MUC4: variants seen among roughly 807,000 people sequenced by gnomAD.
The protein encoded by MUC4 is mucin 4, cell surface associated.
MUC4 carries 202 observed loss-of-function variants against 257.9 expected under a neutral mutation model. The observed-to-expected ratio is 0.78, with a 90% CI of 0.70 to 0.88. The LOEUF (loss-of-function observed/expected upper bound fraction) is 0.88. MUC4 is among the 40% of genes least tolerant of loss of function. MUC4 has a pLI of 0.00. For missense variants in MUC4, 5,976 were observed against 6,513.7 expected, an observed-to-expected ratio of 0.92 and a Z score of 2.84; for synonymous variants, 2,351 against 2,757.1, an observed-to-expected ratio of 0.85 and a Z score of 4.62.
chr3:195,802,805 T>C (rs747746984), intron 1 of MUC4, among the ~76,000 whole-genome samples: 20 of 152,208 alleles, frequency 1.3e-4, no homozygotes, highest in Non-Finnish European at 2.4e-4. Context: ...CGGGAGACAT[T>C]GTTCAGTTTT....
chr3:195,811,476 A>C (rs1219378996), intron 1 of MUC4, among the ~76,000 whole-genome samples: 1 of 150,620 alleles, frequency 6.6e-6, no homozygotes, highest in African/African-American at 2.4e-5. Context: ...CACGGCCTCC[A>C]CTCTTCTTTC....
At chr3:195,771,843 A>G (rs754086228) in intron 4 of MUC4, 27 bp from the exon 5 acceptor site, 1 of 1,607,642 alleles carries the variant, frequency 6.2e-7, no homozygotes, top group Non-Finnish European at 8.5e-7. Context: ...TGTGGTCAGC[A>G]TTCAGGGAGG....
rs1449136477 is a variant in MUC4 at position 195,765,366 on chromosome 3, G to C, written c.13702C>G (p.Gln4568Glu). ...RLECLQWLKS[Q>E]PRWPSWGWNQ... is the part of the protein sequence containing the mutation. ...CAGCCCCAGCTGGGCCACCGAGGCT[G>C]GCTCTTCAGCCACTGCAGGCACTCG... Residue 4568 changes from glutamine to glutamate, a missense_variant, in exon 9 of 25, where the codon CAG (glutamine) becomes GAG (glutamate). Around this residue, in one of 44 missense-constraint regions of MUC4, gnomAD observed 996 missense variants for 1,137.3 expected, o/e 0.88. Coordinates refer to ENST00000463781, the MANE Select transcript of MUC4 (RefSeq NM_018406.7). 6.2e-7 allele frequency: 1 copy of C among 1,613,650 alleles called. No individual in the cohort carries two copies. Among genetic ancestry groups the C allele is most frequent in the East Asian group, 2.2e-5 (1 of 44,870 alleles).
At chr3:195,804,901 C>T (rs1735783181) in intron 1 of MUC4, among the ~76,000 whole-genome samples, 1 of 152,216 alleles carries the variant, frequency 6.6e-6, no homozygotes, top group Non-Finnish European at 1.5e-5. Context: ...ACTCAAGATA[C>T]CCTTGGAATA....
At chr3:195,762,512 C>T (rs1719284048) in intron 13 of MUC4, among the ~76,000 whole-genome samples, 1 of 151,604 alleles carries the variant, frequency 6.6e-6, no homozygotes, top group Non-Finnish European at 1.5e-5. Flanking sequence ...ACGCACTCGG[C>T]CCTGCACCGC....
chr3:195,763,717 G>A (rs1252569523), intron 11 of MUC4, 76 bp from the exon 12 acceptor site: 11 of 1,351,682 alleles, frequency 8.1e-6, no homozygotes, highest in Non-Finnish European at 1.1e-5. Context: ...GCAGTCAGGT[G>A]CGGCACTTGT....
In MUC4 at chr3:195,781,132, G is replaced by C; in HGVS notation, c.10448C>G (p.Thr3483Arg). Reference protein sequence around the residue: ...LPVTSPSSASTGHTTPLHVTI... With the variant: ...LPVTSPSSASRGHTTPLHVTI... Reference sequence around the variant, plus strand: ...GACATGAAGAGGGGTGGTGTGACCTGTAGATGCTGAGGAAGGGCTGGTGAC... The same window carrying C: ...GACATGAAGAGGGGTGGTGTGACCTCTAGATGCTGAGGAAGGGCTGGTGAC... Residue 3483 changes from threonine (T) to arginine (R), a missense_variant, in exon 2 of 25, where the codon ACA becomes AGA. This residue lies in a region of MUC4 where 297 missense variants were observed against 240.9 expected (regional missense o/e 1.23). Coordinates refer to ENST00000463781, the MANE Select transcript of MUC4 (RefSeq NM_018406.7). The C allele has an allele frequency of 6.8e-7, 1 of 1,467,620 alleles. No individual in the cohort carries two copies. Among genetic ancestry groups the C allele is most frequent in the East Asian group, 2.6e-5 (1 of 38,530 alleles). 90.9% of individuals were successfully genotyped at this position (1,467,620 alleles called of 1,614,324 possible).
chr3:195,754,806 GTATGTATC>G (rs1717217516), intron 18 of MUC4, among the ~76,000 whole-genome samples: 2 of 151,336 alleles, frequency 1.3e-5, no homozygotes, highest in African/African-American at 2.4e-5. Flanking sequence ...ATGTATGCAT[GTATGTATC>G]CATGTGTGTA....
rs760375501 is a variant in MUC4, at chr3:195,781,581, G to C, written c.9999C>G (p.Ser3333Arg). 4 of 581,220 alleles carry C rather than the reference G, an allele frequency of 6.9e-6. No individual in the cohort carries two copies. The highest frequency in any genetic ancestry group is 3.0e-5 in the South Asian group (1 of 32,812). 36.0% of individuals were successfully genotyped at this position (581,220 alleles called of 1,614,324 possible). A position where few individuals can be genotyped will look rare whatever the true frequency, so the allele number is the denominator to read the frequency against. The stretch of plus-strand genomic sequence containing the variant: ...TGTCACCTGTGGATGCTGAGGAAGG[G>C]CTGGTGACATGAAGAGGGGTGGCGT... Reference protein sequence around the residue: ...TGHATPLHVTSPSSASTGDTT... With the variant: ...TGHATPLHVTRPSSASTGDTT... Residue 3333 changes from serine (S) to arginine (R), a missense_variant, in exon 2 of 25, where the codon AGC (serine) becomes AGG (arginine). Physicochemically the swap from Ser to Arg is moderately radical, Grantham distance 110. Transcript: ENST00000463781.
chr3:195,793,180 T>C (rs572025736), intron 1 of MUC4, among the ~76,000 whole-genome samples: 1 of 151,836 alleles, frequency 6.6e-6, no homozygotes, highest in African/African-American at 2.4e-5. Flanking sequence ...ATCACAACTG[T>C]ACATATTTGG....
At position 195,784,827 on chromosome 3, in the gene MUC4, T is replaced by G. The variant is rs1452111235; in HGVS notation, c.6753A>C (p.Thr2251=). The change falls in exon 2 of 25, where the codon ACA becomes ACC. Residue 2251 remains threonine, a synonymous_variant. Transcript: ENST00000463781. ...LPVTSLSSAS[T]GDTTPLPVTD... Reference sequence around the variant, plus strand: ...TGACAGGAAGAGGGGTGGTGTCACCTGTGGATGCTGAGGAAAGGCTGGTGA... The same window carrying G: ...TGACAGGAAGAGGGGTGGTGTCACCGGTGGATGCTGAGGAAAGGCTGGTGA... 6 of 1,534,432 alleles carry G rather than the reference T, an allele frequency of 3.9e-6. No homozygotes were observed. The highest frequency in any genetic ancestry group is 5.3e-6 in the Non-Finnish European group (6 of 1,134,680).
Position 195,789,019 on chromosome 3 carries a change from T to C in MUC4, c.2561A>G (p.His854Arg), listed in dbSNP as rs755138922. ...TCCTGTGCTTACTGGGATGGCACCA[T>C]GACTGGCTGAGGCGGACAGCAATTC... ...TTELLSASAS[H>R]GAIPVSTGMA... is the part of the protein sequence containing the mutation. Residue 854 changes from histidine (H) to arginine (R), a missense_variant, in exon 2 of 25, where the codon CAT becomes CGT. This residue lies in a region of MUC4 where 1,583 missense variants were observed against 1,257.4 expected (regional missense o/e 1.26). Coordinates refer to ENST00000463781, the MANE Select transcript of MUC4 (RefSeq NM_018406.7). The C allele has an allele frequency of 1.9e-6, 3 of 1,613,750 alleles. No individual in the cohort carries two copies. The highest frequency in any genetic ancestry group is 1.7e-5 in the Admixed American group (1 of 59,974).
chr3:195,770,611 G>A (rs990138890), intron 5 of MUC4: 2 of 572,566 alleles, frequency 3.5e-6, no homozygotes, highest in African/African-American at 3.8e-5. Context: ...CAAGACCTCT[G>A]GACTTGAACT....
intron 7 of MUC4, among the ~76,000 whole-genome samples, chr3:195,767,554 ATTACCATTG>A (rs1157662554): frequency 3.0e-5 from 3 of 99,068 alleles, no homozygotes; most frequent in Admixed American, 9.1e-5. Context: ...CACCATCACC[ATTACCATTG>A]CCACCACCAT....
At chr3:195,756,384 T>A (rs1560230263) in intron 18 of MUC4, among the ~76,000 whole-genome samples, 1 of 152,212 alleles carries the variant, frequency 6.6e-6, no homozygotes. Context: ...CTGCTGGGCT[T>A]CGCCGCAGAG....
chr3:195,808,484 C>T (rs914788566), intron 1 of MUC4, among the ~76,000 whole-genome samples: 5 of 152,166 alleles, frequency 3.3e-5, no homozygotes, highest in East Asian at 1.9e-4. Flanking sequence ...GGGATTACAG[C>T]GTGAGCCACC....
intron 1 of MUC4, among the ~76,000 whole-genome samples, chr3:195,802,795 C>T (rs902291936): frequency 6.6e-6 from 1 of 152,122 alleles, no homozygotes; most frequent in Non-Finnish European, 1.5e-5. Flanking sequence ...CTCGTTTCTG[C>T]GGGAGACATT....
intron 1 of MUC4, among the ~76,000 whole-genome samples, chr3:195,795,036 T>G (rs1321338045): frequency 2.0e-5 from 3 of 152,190 alleles, no homozygotes; most frequent in Non-Finnish European, 4.4e-5. Context: ...TAGTTGGAAT[T>G]AGGTTGAGAT....
rs997344045 is a variant in MUC4 at position 195,780,371 on chromosome 3, C to A, written c.11209G>T (p.Ala3737Ser). Residue 3737 changes from alanine to serine, a missense_variant, in exon 2 of 25, where the codon GCA becomes TCA. Physicochemically the swap from Ala to Ser is moderately conservative, Grantham distance 99. Around this residue, in one of 44 missense-constraint regions of MUC4, gnomAD observed 330 missense variants for 262.0 expected, o/e 1.26. Transcript: ENST00000463781. ...AGAGGGGTGACGTGACCTGTGGATG[C>A]TGAGGAAGGGCTGGTGACATGAAGA... is the stretch of plus-strand genomic sequence containing the variant. ...TPLHVTSPSS[A>S]STGHVTPLPV... The A allele has an allele frequency of 0.023, 12,731 of 560,868 alleles. 171 individuals are homozygous for A. Among genetic ancestry groups the A allele is most frequent in the Non-Finnish European group, 0.029 (10,801 of 375,206 alleles). 34.7% of individuals were successfully genotyped at this position (560,868 alleles called of 1,614,324 possible).
Sources: allele counts gnomAD v4.1 joint callset (sites outside exome capture counted in the v4.1 genomes callset), GRCh38; gene constraint gnomAD v4.1.1; regional missense constraint gnomAD v4.1.1; transcripts MANE v1.5; gene names NCBI Gene and HGNC (gene_info 2026-07-23, HGNC 2026-07-21).